Variants in AUTS2 observed in about 807,000 individuals in gnomAD.
AUTS2 encodes the protein activator of transcription and developmental regulator AUTS2.
Under a neutral mutation model 112.4 loss-of-function variants are expected in AUTS2, and 17 were observed. That is an observed-to-expected ratio of 0.15 (90% confidence interval 0.10 to 0.23). AUTS2 has a LOEUF of 0.23. Among genes scored for constraint, AUTS2 ranks in the 10% least tolerant of loss-of-function variants. The pLI is 1.00. For missense variants in AUTS2, 1,510 were observed against 1,701.6 expected (o/e 0.89, Z 1.98); for synonymous variants, 751 against 702.7 (o/e 1.07, Z -1.09).
chr7:70,658,634 G>A (rs145521849), intron 5 of AUTS2, among the ~76,000 whole-genome samples: 75 of 152,306 alleles, frequency 4.9e-4, no homozygotes, highest in African/African-American at 1.6e-3. Context: ...GAACTGCCGG[G>A]GAGATGTCTT....
At chr7:69,935,554 G>C (rs1796377783) in intron 2 of AUTS2, among the ~76,000 whole-genome samples, 1 of 152,170 alleles carries the variant, frequency 6.6e-6, no homozygotes, top group South Asian at 2.1e-4. Context: ...AGTTCAGATA[G>C]AGTAGTGAAG....
intron 4 of AUTS2, among the ~76,000 whole-genome samples, chr7:70,146,931 T>C (rs1333001105): frequency 1.3e-5 from 2 of 152,168 alleles, no homozygotes; most frequent in African/African-American, 2.4e-5. Context: ...GACACAATTT[T>C]ATTAAAAAAT....
chr7:70,367,170 A>C (rs935427926), intron 4 of AUTS2, among the ~76,000 whole-genome samples: 3 of 152,108 alleles, frequency 2.0e-5, no homozygotes, highest in Non-Finnish European at 4.4e-5. Flanking sequence ...GGGCTGAGGC[A>C]CGAGAATCAC....
chr7:70,712,988 T>G (rs1269840048), intron 6 of AUTS2, among the ~76,000 whole-genome samples: 10 of 152,324 alleles, frequency 6.6e-5, no homozygotes, highest in Non-Finnish European at 1.5e-5. Context: ...TTCCAATCCT[T>G]CCACTCTCTA....
At chr7:70,751,229 A>G (rs1001740099) in intron 6 of AUTS2, among the ~76,000 whole-genome samples, 3 of 152,150 alleles carry the variant, frequency 2.0e-5, no homozygotes, top group Non-Finnish European at 2.9e-5. Context: ...TCTCGGATGA[A>G]GGTGTTAGGG....
intron 4 of AUTS2, among the ~76,000 whole-genome samples, chr7:70,180,624 CT>C (rs1809246882): frequency 1.3e-5 from 2 of 152,286 alleles, no homozygotes; most frequent in African/African-American, 4.8e-5. Context: ...CTCCTCATCT[CT>C]GGTTCTCTCG....
At chr7:70,445,127 C>T (rs922887185) in intron 5 of AUTS2, among the ~76,000 whole-genome samples, 4 of 152,188 alleles carry the variant, frequency 2.6e-5, no homozygotes, top group African/African-American at 9.7e-5. Context: ...TTCTCACATA[C>T]ACCATCGTTG....
chr7:70,670,302 C>A (rs186969147), intron 5 of AUTS2, among the ~76,000 whole-genome samples: 1 of 152,170 alleles, frequency 6.6e-6, no homozygotes, highest in Admixed American at 6.5e-5. Flanking sequence ...GTTATTACTT[C>A]CTTTCTTTCT....
chr7:69,926,622 AT>A (rs1332926364), intron 2 of AUTS2, among the ~76,000 whole-genome samples: 9 of 150,840 alleles, frequency 6.0e-5, no homozygotes, highest in Non-Finnish European at 1.2e-4. Context: ...TGTTAGTCGC[AT>A]TTTTTTTCCT....
chr7:70,135,758 G>A (rs1046839336), intron 4 of AUTS2, among the ~76,000 whole-genome samples: 2 of 152,122 alleles, frequency 1.3e-5, no homozygotes, highest in African/African-American at 4.8e-5. Context: ...TATTGTGGCT[G>A]AATATTCATG....
intron 1 of AUTS2, among the ~76,000 whole-genome samples, chr7:69,893,678 C>A (rs1794619690): frequency 6.6e-6 from 1 of 152,140 alleles, no homozygotes; most frequent in South Asian, 2.1e-4. Flanking sequence ...TGATGGACTG[C>A]CCTCAGGTTA....
At chr7:70,391,752 T>G (rs66665814) in intron 4 of AUTS2, among the ~76,000 whole-genome samples, 15,227 of 152,274 alleles carry the variant, frequency 0.1, 891 homozygotes, top group Middle Eastern at 0.19. Context: ...ACATTTTCAT[T>G]TGTTCTCACT....
intron 4 of AUTS2, chr7:70,290,769 A>C: frequency 1.5e-6 from 1 of 685,168 alleles, no homozygotes; most frequent in Non-Finnish European, 2.0e-6. Context: ...CTACTAATAA[A>C]TTAGATTTTT....
chr7:70,789,611 C>G (rs1585699173), intron 18 of AUTS2, 137 bp from the exon 19 acceptor site: 6 of 1,019,174 alleles, frequency 5.9e-6, no homozygotes, highest in African/African-American at 1.6e-5. Flanking sequence ...GTCCAGGGCA[C>G]GGCTGCTGCC....
chr7:70,004,338 T>A (rs1437727976), intron 2 of AUTS2, among the ~76,000 whole-genome samples: 1 of 131,792 alleles, frequency 7.6e-6, no homozygotes, highest in African/African-American at 2.8e-5. Context: ...TATATATGAA[T>A]ATATATTCAT....
intron 6 of AUTS2, among the ~76,000 whole-genome samples, chr7:70,746,598 G>A (rs1563168206): frequency 6.6e-6 from 1 of 152,166 alleles, no homozygotes; most frequent in Non-Finnish European, 1.5e-5. Flanking sequence ...GGCTAGCAGG[G>A]GCTGTGAGAC....
At chr7:70,213,590 A>G (rs1811029428) in intron 4 of AUTS2, among the ~76,000 whole-genome samples, 1 of 152,114 alleles carries the variant, frequency 6.6e-6, no homozygotes. Flanking sequence ...TTTGAACAGT[A>G]CTAATGTATG....
At chr7:70,248,173 G>C (rs1319517048) in intron 4 of AUTS2, among the ~76,000 whole-genome samples, 9 of 152,134 alleles carry the variant, frequency 5.9e-5, no homozygotes, top group African/African-American at 2.2e-4. Flanking sequence ...TTGTCTTGTA[G>C]TGTTTTTCTC....
intron 5 of AUTS2, among the ~76,000 whole-genome samples, chr7:70,671,566 A>G (rs1807643059): frequency 6.6e-6 from 1 of 152,234 alleles, no homozygotes; most frequent in African/African-American, 2.4e-5. Context: ...ATTCCCCTGC[A>G]TTTCAGAAAA....
Sources: gnomAD v4.1 joint callset for allele counts (sites outside exome capture counted in the v4.1 genomes callset) on GRCh38, gnomAD v4.1.1 for gene constraint, MANE v1.5 for transcripts, NCBI Gene and HGNC (gene_info 2026-07-23, HGNC 2026-07-21) for gene names.